The following CDH13 variants were observed in gnomAD, a reference collection of about 807,000 sequenced individuals.
The protein encoded by CDH13 is cadherin 13.
A neutral mutation model predicts 63.8 loss-of-function variants in CDH13; 24 were observed. The ratio of observed to expected loss-of-function variants is 0.38; its 90% confidence interval spans 0.27 to 0.53. CDH13 has a LOEUF of 0.53. CDH13 is among the 20% of genes least tolerant of loss of function. CDH13 has a pLI of 0.85. For missense variants in CDH13, 1,049 were observed against 903.1 expected (o/e 1.16, Z -2.07); for synonymous variants, 503 against 355.3 (o/e 1.42, Z -4.67).
At chr16:83,694,018 C>G (rs1830817625) in intron 10 of CDH13, among the ~76,000 whole-genome samples, 2 of 152,212 alleles carry the variant, frequency 1.3e-5, no homozygotes, top group African/African-American at 4.8e-5. Context: ...CACTATCTGT[C>G]AGGATTCATG....
chr16:82,698,786 G>C (rs752202533), intron 1 of CDH13, among the ~76,000 whole-genome samples: 1 of 152,132 alleles, frequency 6.6e-6, no homozygotes, highest in African/African-American at 2.4e-5. Context: ...CAAAGAAATA[G>C]CTAGTTTTTC....
At chr16:82,802,336 A>T (rs2036904494) in intron 1 of CDH13, among the ~76,000 whole-genome samples, 6 of 152,168 alleles carry the variant, frequency 3.9e-5, no homozygotes, top group Admixed American at 3.9e-4. Flanking sequence ...GATAACCAGG[A>T]GTCGACCCTG....
intron 6 of CDH13, among the ~76,000 whole-genome samples, chr16:83,357,599 G>C (rs1471730160): frequency 7.2e-5 from 11 of 152,128 alleles, no homozygotes; most frequent in Non-Finnish European, 1.6e-4. Flanking sequence ...GACACTTTGG[G>C]TTCCACACTG....
intron 1 of CDH13, among the ~76,000 whole-genome samples, chr16:82,681,020 G>C (rs1419948370): frequency 6.6e-6 from 1 of 152,248 alleles, no homozygotes; most frequent in Non-Finnish European, 1.5e-5. Flanking sequence ...CAGTGTCTCA[G>C]AGCACAAATG....
At chr16:82,987,030 A>C (rs1473279843) in intron 2 of CDH13, among the ~76,000 whole-genome samples, 2 of 152,168 alleles carry the variant, frequency 1.3e-5, no homozygotes, top group Non-Finnish European at 2.9e-5. Context: ...TTCAGGGACA[A>C]AAAGCATTCA....
chr16:83,118,722 C>T (rs1039666877), intron 3 of CDH13, among the ~76,000 whole-genome samples: 3 of 152,046 alleles, frequency 2.0e-5, no homozygotes, highest in Admixed American at 6.5e-5. Context: ...ACCTAGAGGA[C>T]GGGCACATTA....
At chr16:82,703,230 C>CAG (rs1491012114) in intron 1 of CDH13, among the ~76,000 whole-genome samples, 1 of 148,606 alleles carries the variant, frequency 6.7e-6, no homozygotes, top group African/African-American at 2.5e-5. Flanking sequence ...CACACACACA[C>CAG]AATGTTATAA....
At chr16:83,506,727 C>G (rs925681865) in intron 7 of CDH13, among the ~76,000 whole-genome samples, 2 of 152,198 alleles carry the variant, frequency 1.3e-5, no homozygotes, top group Admixed American at 1.3e-4. Flanking sequence ...TATTCTTGTC[C>G]TTTCTTGCTA....
At chr16:83,652,286 C>T (rs1010604052) in intron 8 of CDH13, among the ~76,000 whole-genome samples, 1 of 152,172 alleles carries the variant, frequency 6.6e-6, no homozygotes, top group African/African-American at 2.4e-5. Context: ...TTATACAAAT[C>T]CCTTGTAATG....
chr16:82,822,147 G>T (rs1449355781), intron 1 of CDH13, among the ~76,000 whole-genome samples: 2 of 152,104 alleles, frequency 1.3e-5, no homozygotes, highest in Non-Finnish European at 2.9e-5. Context: ...GCAATCAAAA[G>T]ATTACCCGGG....
chr16:83,110,174 T>A (rs1310659467), intron 3 of CDH13, among the ~76,000 whole-genome samples: 1 of 152,222 alleles, frequency 6.6e-6, no homozygotes, highest in Non-Finnish European at 1.5e-5. Flanking sequence ...AAAGTCTGTT[T>A]AAGTAAATGT....
At chr16:83,663,502 G>A (rs532113280) in intron 8 of CDH13, among the ~76,000 whole-genome samples, 15 of 152,300 alleles carry the variant, frequency 9.8e-5, no homozygotes, top group Admixed American at 6.5e-4. Flanking sequence ...ACACATGTAC[G>A]TTGTTTTCTT....
chr16:82,808,462 C>G (rs2037268554), intron 1 of CDH13, among the ~76,000 whole-genome samples: 1 of 151,974 alleles, frequency 6.6e-6, no homozygotes, highest in East Asian at 1.9e-4. Context: ...TTATAGGAGG[C>G]AAGTCAGAGA....
At chr16:82,705,917 A>G (rs1283463917) in intron 1 of CDH13, among the ~76,000 whole-genome samples, 1 of 152,160 alleles carries the variant, frequency 6.6e-6, no homozygotes, top group Non-Finnish European at 1.5e-5. Context: ...ATTTAATACA[A>G]TCAGTGGTGT....
At chr16:83,662,884 G>A (rs60765425) in intron 8 of CDH13, among the ~76,000 whole-genome samples, 11,406 of 152,154 alleles carry the variant, frequency 0.075, 697 homozygotes, top group African/African-American at 0.17. Flanking sequence ...AGGGAACCTC[G>A]GAGGATTGAG....
At chr16:82,778,570 GAAAAAAAA>G in intron 1 of CDH13, among the ~76,000 whole-genome samples, 1 of 85,768 alleles carries the variant, frequency 1.2e-5, no homozygotes, top group African/African-American at 4.7e-5. Context: ...ATCACGACCA[GAAAAAAAA>G]AAAAAAAAAA....
intron 7 of CDH13, among the ~76,000 whole-genome samples, chr16:83,569,109 AATGTTATTCCACAAACCT>A (rs1203575093): frequency 6.6e-6 from 1 of 151,984 alleles, no homozygotes; most frequent in African/African-American, 2.4e-5. Flanking sequence ...TGCCAAATAT[AATGTTATTCCACAAACCT>A]ATGAGGACCT....
chr16:82,702,876 G>C (rs1055752753), intron 1 of CDH13, among the ~76,000 whole-genome samples: 1 of 152,068 alleles, frequency 6.6e-6, no homozygotes, highest in African/African-American at 2.4e-5. Context: ...AGATCTTCCT[G>C]TGCATTTAGA....
intron 8 of CDH13, among the ~76,000 whole-genome samples, chr16:83,608,679 T>G (rs1908578750): frequency 6.8e-6 from 1 of 146,690 alleles, no homozygotes; most frequent in African/African-American, 2.6e-5. Context: ...TTTTTTTTTT[T>G]GGTATTTTTG....
Sources: gnomAD v4.1 joint callset for allele counts (sites outside exome capture counted in the v4.1 genomes callset) on GRCh38, gnomAD v4.1.1 for gene constraint, MANE v1.5 for transcripts, NCBI Gene and HGNC (gene_info 2026-07-23, HGNC 2026-07-21) for gene names.